The following ZNF266 variants were observed in gnomAD, a reference collection of about 807,000 sequenced individuals.
ZNF266 encodes the protein zinc finger protein 266, also known as zinc finger protein 1.
In ZNF266, 16 loss-of-function variants were observed where a neutral mutation model predicts 16.4. That is an observed-to-expected ratio of 0.98 (90% CI 0.66 to 1.48). The LOEUF (loss-of-function observed/expected upper bound fraction) is 1.48, where lower values mean the gene tolerates loss of function less well. Ranked by LOEUF, ZNF266 falls within the 40% of genes most tolerant of loss-of-function variation. The pLI is 0.00. For missense variants in ZNF266, 738 were observed against 689.1 expected, an observed-to-expected ratio of 1.07 and a Z score of -0.79; for synonymous variants, 262 against 237.9, an observed-to-expected ratio of 1.10 and a Z score of -0.93.
At position 9,417,729 on chromosome 19, in the gene ZNF266, CAGAG is replaced by C. The variant is rs1466553401; in HGVS notation, c.316+95_316+98del. On this transcript the variant is annotated intron_variant, in intron 9 of 10. Transcript: ENST00000592904. ...TGCCACGGCACTCCAGCCTGGGTGA[CAGAG>C]TGAGACTCCATCTCAAAAAAAAAAA... is the stretch of plus-strand genomic sequence containing the variant. The C allele has an allele frequency of 4.9e-5, 47 of 967,494 alleles. No homozygotes were observed. In the Admixed American group the frequency reaches 9.4e-4, roughly 19 times the overall value. 59.9% of individuals were successfully genotyped at this position (967,494 alleles called of 1,614,324 possible).
rs1368395408 is a variant in ZNF266 at position 9,414,208 on chromosome 19, G to C, written c.918C>G (p.Pro306=). ...CTTTCCCACACTCCTTACACTCATA[G>C]GGATTGTCTCCAGTGTGGGTTCCCA... The part of the protein sequence containing the change: ...IHMGTHTGDN[P]YECKECGKAF... Residue 306 remains proline, a synonymous_variant, in exon 11 of 11, where the codon CCC becomes CCG. Transcript: ENST00000592904. 1 of 1,614,044 alleles carries C rather than the reference G, an allele frequency of 6.2e-7. No homozygotes were observed. The highest frequency in any genetic ancestry group is 8.5e-7 in the Non-Finnish European group (1 of 1,180,034).
chr19:9,425,883 A>AT (rs1384183326), intron 5 of ZNF266, among the ~76,000 whole-genome samples: 1 of 152,202 alleles, frequency 6.6e-6, no homozygotes, highest in Non-Finnish European at 1.5e-5. Context: ...TCACTCTGGC[A>AT]TAACGGGCTT....
At position 9,414,379 on chromosome 19, in the gene ZNF266, A is replaced by G. The variant is rs1456205400; in HGVS notation, c.747T>C (p.Ser249=). ...QGHLRTHNGE[S]LHEWKECGRG... ...TCCCACATTCCTTCCATTCATGGAGACTTTCTCCATTGTGAGTTCTTAAAT... is the reference window on the plus strand; with the variant it reads ...TCCCACATTCCTTCCATTCATGGAGGCTTTCTCCATTGTGAGTTCTTAAAT... Residue 249 remains serine, a synonymous_variant, in exon 11 of 11, where the codon AGT becomes AGC. Transcript: ENST00000592904. 1.2e-6 allele frequency: 2 copies of G among 1,614,140 alleles called. No homozygotes were observed. Among genetic ancestry groups the G allele is most frequent in the South Asian group, 2.2e-5 (2 of 91,080 alleles).
At chr19:9,421,849 CTTTCTTTTTTTT>C (rs1404375233) in intron 5 of ZNF266, among the ~76,000 whole-genome samples, 1 of 28,530 alleles carries the variant, frequency 3.5e-5, no homozygotes, top group South Asian at 1.1e-3. Flanking sequence ...GCAACAAAAC[CTTTCTTTTTTTT>C]TTTCTTTTGA....
chr19:9,417,075 G>C (rs142135163), intron 9 of ZNF266, among the ~76,000 whole-genome samples: 1 of 149,904 alleles, frequency 6.7e-6, no homozygotes, highest in East Asian at 2.0e-4. Context: ...TAACTTCTGA[G>C]AAAGAAATGG....
chr19:9,422,021 T>C (rs570342526), intron 5 of ZNF266, among the ~76,000 whole-genome samples: 1 of 152,296 alleles, frequency 6.6e-6, no homozygotes, highest in African/African-American at 2.4e-5. Flanking sequence ...CGGCTAATTT[T>C]TTTGTATTTT....
At chr19:9,424,714 G>A (rs1054734175) in intron 5 of ZNF266, among the ~76,000 whole-genome samples, 1 of 151,968 alleles carries the variant, frequency 6.6e-6, no homozygotes, top group Non-Finnish European at 1.5e-5. Context: ...ATTATTAGAG[G>A]TTACATTTAT....
chr19:9,432,158 C>T (rs2071707110), intron 5 of ZNF266, among the ~76,000 whole-genome samples: 1 of 151,998 alleles, frequency 6.6e-6, no homozygotes. Flanking sequence ...AGGGTTTCAC[C>T]ATGTTGGCCA....
At chr19:9,421,336 G>C (rs1385743258) in intron 5 of ZNF266, among the ~76,000 whole-genome samples, 1 of 152,138 alleles carries the variant, frequency 6.6e-6, no homozygotes, top group Non-Finnish European at 1.5e-5. Context: ...GGGATCCTTA[G>C]GCTGAAGAGG....
rs115515323 is a variant in ZNF266, at chr19:9,419,987, C to G, written c.25+78G>C. The stretch of plus-strand genomic sequence containing the variant: ...AAGCTGCAGCGTGAATGATCAGGCA[C>G]AGGCCACTGGACTCCATACTGTGTG... On this transcript the variant is annotated intron_variant, in intron 6 of 10. Transcript: ENST00000592904. 9.0e-3 allele frequency: 1,308 copies of G among 145,914 alleles called. 21 individuals are homozygous for G. The highest frequency in any genetic ancestry group is 0.032 in the African/African-American group (1,238 of 38,896). 9.0% of individuals were successfully genotyped at this position (145,914 alleles called of 1,614,324 possible).
In ZNF266 at chr19:9,414,393, G is replaced by C; in HGVS notation, c.733C>G (p.His245Asp). ...CATTCATGGAGACTTTCTCCATTGT[G>C]AGTTCTTAAATGTCCCTGAAGGTGT... ...HSHLQGHLRT[H>D]NGESLHEWKE... Residue 245 changes from histidine (H) to aspartate (D), a missense_variant, in exon 11 of 11, where the codon CAC (histidine) becomes GAC (aspartate). His to Asp is a moderately conservative substitution (Grantham distance 81, BLOSUM62 -1). Coordinates refer to ENST00000592904, the MANE Select transcript of ZNF266 (RefSeq NM_001370374.1). 1 of 1,614,166 alleles carries C rather than the reference G, an allele frequency of 6.2e-7. No individual in the cohort carries two copies. The highest frequency in any genetic ancestry group is 8.5e-7 in the Non-Finnish European group (1 of 1,180,034).
At chr19:9,426,186 G>A (rs533558609) in intron 5 of ZNF266, among the ~76,000 whole-genome samples, 5 of 152,054 alleles carry the variant, frequency 3.3e-5, no homozygotes, top group South Asian at 2.1e-4. Context: ...AGAGAAAGGC[G>A]GCTGCCTACA....
intron 5 of ZNF266, among the ~76,000 whole-genome samples, chr19:9,427,614 A>C (rs2070950189): frequency 6.6e-6 from 1 of 152,148 alleles, no homozygotes; most frequent in Non-Finnish European, 1.5e-5. Flanking sequence ...GGTGTGAGCC[A>C]CCACACCCGG....
At chr19:9,430,213 A>G (rs1439629536) in intron 5 of ZNF266, among the ~76,000 whole-genome samples, 1 of 152,150 alleles carries the variant, frequency 6.6e-6, no homozygotes, top group Non-Finnish European at 1.5e-5. Context: ...GATAAATGTA[A>G]AAGACTGATC....
chr19:9,414,209 G>A lies in ZNF266; in HGVS notation c.917C>T (p.Pro306Leu), dbSNP rs187361030. ...IHMGTHTGDN[P>L]YECKECGKAF... ...TTTCCCACACTCCTTACACTCATAG[G>A]GATTGTCTCCAGTGTGGGTTCCCAT... Residue 306 changes from proline (P) to leucine (L), a missense_variant, in exon 11 of 11, where the codon CCC becomes CTC. Transcript: ENST00000592904. 5.6e-6 allele frequency: 9 copies of A among 1,614,182 alleles called. No homozygotes were observed. The East Asian group carries it at 2.0e-4, about 36-fold the overall frequency.
In ZNF266 at chr19:9,414,477, A is replaced by T; in HGVS notation, c.649T>A (p.Cys217Ser). 1 of 1,614,200 alleles carries T rather than the reference A, an allele frequency of 6.2e-7. No homozygotes were observed. Among genetic ancestry groups the T allele is most frequent in the East Asian group, 2.2e-5 (1 of 44,880 alleles). The part of the protein sequence containing the change: ...LNPDVVCQRT[C>S]TGEKAFDCSD... ...CAATCAAAAGCTTTCTCTCCTGTGC[A>T]CGTTCTCTGGCAAACAACATCTGGG... Residue 217 changes from cysteine to serine, a missense_variant, in exon 11 of 11, where the codon TGC (cysteine) becomes AGC (serine). Cys to Ser is a moderately radical substitution (Grantham distance 112). Transcript: ENST00000592904.
Position 9,415,733 on chromosome 19 carries a change from C to T in ZNF266, c.326G>A (p.Trp109Ter), listed in dbSNP as rs2068879020. 6.2e-7 allele frequency: 1 copy of T among 1,612,488 alleles called. No individual in the cohort carries two copies. Among genetic ancestry groups the T allele is most frequent in the Non-Finnish European group, 8.5e-7 (1 of 1,178,898 alleles). The change falls in exon 10 of 11, where the codon TGG (tryptophan) becomes TAG (stop). Residue 109 changes from tryptophan to a stop codon, truncating the protein, a stop_gained. Transcript: ENST00000592904. LOFTEE classifies it high-confidence loss of function. ...VQRGDFQASE[W>*]KVQLKTKELA... ...CTCTTTGGTTTTAAGTTGCACTTTC[C>T]ATTCTGAAGCTGAAGAGAAAAAGAA...
chr19:9,415,703 G>T lies in ZNF266; in HGVS notation c.356C>A (p.Ala119Asp). 1.2e-6 allele frequency: 2 copies of T among 1,613,292 alleles called. No individual in the cohort carries two copies. Among genetic ancestry groups the T allele is most frequent in the Non-Finnish European group, 1.7e-6 (2 of 1,179,406 alleles). The change falls in exon 10 of 11, where the codon GCC becomes GAC. Residue 119 changes from alanine (A) to aspartate (D), a missense_variant. By Grantham distance (126) the Ala-to-Asp change is moderately radical (BLOSUM62 -2). Transcript: ENST00000592904. Reference sequence around the variant, plus strand: ...CTCCCCCAAAACATCCTGCTGAAGGGCTAACTCTTTGGTTTTAAGTTGCAC... The same window carrying T: ...CTCCCCCAAAACATCCTGCTGAAGGTCTAACTCTTTGGTTTTAAGTTGCAC... Reference protein sequence around the residue: ...WKVQLKTKELALQQDVLGEPT... With the variant: ...WKVQLKTKELDLQQDVLGEPT...
At chr19:9,433,431 A>G (rs556659735) in intron 5 of ZNF266, among the ~76,000 whole-genome samples, 2 of 152,308 alleles carry the variant, frequency 1.3e-5, no homozygotes, top group African/African-American at 4.8e-5. Flanking sequence ...AGGTAGGAGA[A>G]GGAACCCAAA....
Sources: gnomAD v4.1 joint callset for allele counts (sites outside exome capture counted in the v4.1 genomes callset) on GRCh38, gnomAD v4.1.1 for gene constraint, MANE v1.5 for transcripts, NCBI Gene and HGNC (gene_info 2026-07-23, HGNC 2026-07-21) for gene names.